SPON1: variants seen among roughly 807,000 people sequenced by gnomAD.
The protein encoded by SPON1 is spondin-1.
Under a neutral mutation model 111.7 loss-of-function variants are expected in SPON1, and 52 were observed. The ratio of observed to expected loss-of-function variants is 0.47; its 90% CI spans 0.37 to 0.59. SPON1 has a LOEUF of 0.59. Ranked by LOEUF, SPON1 falls within the 20% of genes least tolerant of loss-of-function variation. The pLI, the probability that SPON1 is intolerant of heterozygous loss-of-function variation, is 0.00. For missense variants in SPON1, 957 were observed against 1,068.5 expected (o/e 0.90, Z 1.46); for synonymous variants, 410 against 395.8 (o/e 1.04, Z -0.43).
intron 7 of SPON1, among the ~76,000 whole-genome samples, chr11:14,248,933 A>G (rs1163557051): frequency 6.6e-6 from 1 of 152,208 alleles, no homozygotes; most frequent in Non-Finnish European, 1.5e-5. Flanking sequence ...GAGACAGGAA[A>G]GGCAGACTCT....
chr11:14,021,188 C>T (rs1848479117), intron 2 of SPON1, among the ~76,000 whole-genome samples: 1 of 151,930 alleles, frequency 6.6e-6, no homozygotes, highest in East Asian at 1.9e-4. Context: ...TTCACCTGGC[C>T]AATTATAAGC....
At chr11:13,986,957 CTAT>C (rs1848190272) in intron 2 of SPON1, among the ~76,000 whole-genome samples, 2 of 152,118 alleles carry the variant, frequency 1.3e-5, no homozygotes, top group Non-Finnish European at 2.9e-5. Flanking sequence ...TTTATCCAGT[CTAT>C]TATTGATGGA....
Position 14,135,124 on chromosome 11 carries a change from G to C in SPON1, c.677-296G>C. 3.9e-6 allele frequency: 1 copy of C among 253,180 alleles called. No homozygotes were observed. The highest frequency in any genetic ancestry group is 7.6e-6 in the Non-Finnish European group (1 of 131,124). The allele number at this position is 253,180 out of a possible 1,614,324, so 15.7% of individuals were successfully genotyped here. ...CTATTTTGCCTTACAAATATGATCAGCCTTTAACGTTCTCTCAACTATCCC... is the reference window on the plus strand; with the variant it reads ...CTATTTTGCCTTACAAATATGATCACCCTTTAACGTTCTCTCAACTATCCC... On this transcript the variant is annotated intron_variant, in intron 5 of 15. Coordinates refer to ENST00000576479, the MANE Select transcript of SPON1 (RefSeq NM_006108.4). The surrounding 1 kb of genome is among the most constrained non-coding windows in gnomAD (Gnocchi z 4.4).
chr11:14,236,047 GGGGAC>G (rs1256812123), intron 6 of SPON1, among the ~76,000 whole-genome samples: 12 of 152,294 alleles, frequency 7.9e-5, no homozygotes, highest in Non-Finnish European at 1.8e-4. Flanking sequence ...GGAGGGTGTG[GGGGAC>G]CAGAGCAAGG....
chr11:14,236,115 G>T (rs1554939211), intron 6 of SPON1, among the ~76,000 whole-genome samples: 1 of 152,166 alleles, frequency 6.6e-6, no homozygotes, highest in African/African-American at 2.4e-5. Context: ...CAGAGGAATG[G>T]CATGATATGA....
intron 6 of SPON1, among the ~76,000 whole-genome samples, chr11:14,223,921 G>A (rs1342503051): frequency 6.6e-6 from 1 of 152,158 alleles, no homozygotes; most frequent in Non-Finnish European, 1.5e-5. Flanking sequence ...ACTGATGACG[G>A]GCTCTTTTAT....
chr11:14,108,406 T>C (rs1485701860), intron 5 of SPON1, among the ~76,000 whole-genome samples: 2 of 152,192 alleles, frequency 1.3e-5, no homozygotes, highest in Non-Finnish European at 2.9e-5. Flanking sequence ...AGTCTTCTCA[T>C]CTGATTGGCT....
At chr11:14,200,814 TAA>T (rs572814576) in intron 6 of SPON1, among the ~76,000 whole-genome samples, 364 of 79,194 alleles carry the variant, frequency 4.6e-3, no homozygotes, top group African/African-American at 0.018. Context: ...GACCCTGTCT[TAA>T]AAAAAAAAAA....
chr11:14,024,432 G>T (rs994824910), intron 2 of SPON1, among the ~76,000 whole-genome samples: 11 of 152,130 alleles, frequency 7.2e-5, no homozygotes, highest in African/African-American at 2.4e-4. Context: ...TGGATGGGGG[G>T]CCAGAAGAGG....
intron 2 of SPON1, among the ~76,000 whole-genome samples, chr11:14,039,183 A>G (rs187156264): frequency 2.2e-4 from 33 of 152,324 alleles, no homozygotes; most frequent in Admixed American, 1.9e-3. Flanking sequence ...GTTGGGAAGA[A>G]CAAGGGATGA....
intron 6 of SPON1, among the ~76,000 whole-genome samples, chr11:14,164,191 G>A (rs963083998): frequency 6.6e-6 from 1 of 152,332 alleles, no homozygotes; most frequent in East Asian, 1.9e-4. Context: ...CTATATCCAA[G>A]ATGGTTTTAC....
chr11:14,035,239 G>A (rs1427761289), intron 2 of SPON1, among the ~76,000 whole-genome samples: 1 of 152,146 alleles, frequency 6.6e-6, no homozygotes, highest in African/African-American at 2.4e-5. Context: ...AGGGACTGTA[G>A]CATAGGGGAA....
In SPON1 at chr11:14,039,986, A is replaced by C. The variant is rs537816426; in HGVS notation, c.346-1535A>C. Among the ~76,000 whole-genome samples the C allele has an allele frequency of 2.0e-5, 3 of 152,324 alleles. No individual in the cohort carries two copies. The South Asian group carries it at 6.2e-4, about 32-fold the overall frequency. ...AATAAGATACTACATTATAAGCATCAGATTGGAAACAGTTAGAAAATCCAG... is the reference window on the plus strand; with the variant it reads ...AATAAGATACTACATTATAAGCATCCGATTGGAAACAGTTAGAAAATCCAG... On this transcript the variant is annotated intron_variant, in intron 2 of 15. Coordinates refer to ENST00000576479, the MANE Select transcript of SPON1 (RefSeq NM_006108.4).
At chr11:14,012,182 G>A (rs187152040) in intron 2 of SPON1, among the ~76,000 whole-genome samples, 1 of 152,142 alleles carries the variant, frequency 6.6e-6, no homozygotes, top group East Asian at 1.9e-4. Context: ...CAGCCTTCCA[G>A]AGGTCTAACA....
chr11:14,088,085 A>G (rs1460596856), intron 5 of SPON1, among the ~76,000 whole-genome samples: 1 of 151,726 alleles, frequency 6.6e-6, no homozygotes, highest in Non-Finnish European at 1.5e-5. Context: ...TCTTTACCCA[A>G]TTTTCCAGTG....
chr11:14,259,712 G>T lies in SPON1; in HGVS notation c.1831+11G>T, dbSNP rs782050234. On this transcript the variant is annotated intron_variant, in intron 13 of 15. Coordinates refer to ENST00000576479, the MANE Select transcript of SPON1 (RefSeq NM_006108.4). This position sits in a 1 kb window ranked among gnomAD's most constrained non-coding sequence, Gnocchi z 5.0. ...TGATGCCAGAGTGCCGTGAGTGAGA[G>T]CGGGGGTGGACTTGGAGGAGGCCAC... The T allele has an allele frequency of 1.3e-6, 2 of 1,566,890 alleles. No individual in the cohort carries two copies. Among genetic ancestry groups the T allele is most frequent in the South Asian group, 2.4e-5 (2 of 84,518 alleles).
chr11:13,975,231 T>C (rs1848093503), intron 1 of SPON1, among the ~76,000 whole-genome samples: 1 of 152,180 alleles, frequency 6.6e-6, no homozygotes, highest in South Asian at 2.1e-4. Context: ...TTTTACTCTG[T>C]GTCTCCAGGG....
chr11:14,104,206 T>C (rs1274597697), intron 5 of SPON1, among the ~76,000 whole-genome samples: 1 of 152,076 alleles, frequency 6.6e-6, no homozygotes, highest in Non-Finnish European at 1.5e-5. Context: ...TTGGAAGCAT[T>C]TTTTTCGTTT....
At chr11:14,201,649 CA>C (rs1460182423) in intron 6 of SPON1, among the ~76,000 whole-genome samples, 1 of 152,194 alleles carries the variant, frequency 6.6e-6, no homozygotes, top group Non-Finnish European at 1.5e-5. Context: ...CCTCCCTCCT[CA>C]GCCTCCCAAA....
Sources: gnomAD v4.1 joint callset for allele counts (sites outside exome capture counted in the v4.1 genomes callset) on GRCh38, gnomAD v4.1.1 for gene constraint, Gnocchi (gnomAD v3.1) non-coding constraint, MANE v1.5 for transcripts, NCBI Gene and HGNC (gene_info 2026-07-23, HGNC 2026-07-21) for gene names.